TMEM273: variants seen among roughly 807,000 people sequenced by gnomAD.
TMEM273 encodes the protein chromosome 10 open reading frame 128.
In TMEM273, 19 loss-of-function variants were observed where a neutral mutation model predicts 17.9. That is an observed-to-expected ratio of 1.06 (90% CI 0.74 to 1.55). TMEM273 has a LOEUF of 1.55. Ranked by LOEUF, TMEM273 falls within the 40% of genes most tolerant of loss-of-function variation. The probability of loss-of-function intolerance (pLI) is 0.00; values close to 1 mark genes in which losing one functional copy is unlikely to be tolerated. For missense variants in TMEM273, 194 were observed against 155.6 expected (o/e 1.25, Z -1.31); for synonymous variants, 66 against 62.0 (o/e 1.07, Z -0.31).
At chr10:49,176,202 G>C (rs570693506) in intron 1 of TMEM273, among the ~76,000 whole-genome samples, 1 of 152,184 alleles carries the variant, frequency 6.6e-6, no homozygotes, top group Non-Finnish European at 1.5e-5. Flanking sequence ...AAGCAAACAC[G>C]CCACCACCTG....
chr10:49,173,011 C>T lies in TMEM273; in HGVS notation c.44-5049G>A, dbSNP rs115618461. On this transcript the variant is annotated intron_variant, in intron 1 of 6. Transcript: ENST00000374153. The stretch of plus-strand genomic sequence containing the variant: ...AAGATCCAATTCAGACCAGTGACAC[C>T]TAACTCAGAGCCTCAGGGGAAACTG... Among the ~76,000 whole-genome samples the T allele has an allele frequency of 3.3e-3, 496 of 152,326 alleles. 5 individuals are homozygous for T. Among genetic ancestry groups the T allele is most frequent in the African/African-American group, 0.012 (479 of 41,584 alleles).
chr10:49,166,931 A>T lies in TMEM273; in HGVS notation c.176T>A (p.Ile59Asn). The change falls in exon 3 of 7, where the codon ATC (isoleucine) becomes AAC (asparagine). Residue 59 changes from isoleucine to asparagine, a missense_variant. By Grantham distance (149) the Ile-to-Asn change is moderately radical. Transcript: ENST00000374153. ...AGFLALKICMIRRHLFDDDSS... is the reference protein window; with the variant it reads ...AGFLALKICMNRRHLFDDDSS... ...GTCGTCGTCAAATAAGTGCCTCCTG[A>T]TCATGCAGATCTTCAGGGCCAGGAA... The T allele has an allele frequency of 1.2e-6, 2 of 1,614,062 alleles. No homozygotes were observed. The highest frequency in any genetic ancestry group is 1.7e-6 in the Non-Finnish European group (2 of 1,180,002).
chr10:49,180,781 A>C (rs1293565529), intron 1 of TMEM273, among the ~76,000 whole-genome samples: 1 of 152,236 alleles, frequency 6.6e-6, no homozygotes, highest in African/African-American at 2.4e-5. Flanking sequence ...CTTCACAAAG[A>C]ATATCTGCAA....
intron 1 of TMEM273, 148 bp from the exon 2 acceptor site, chr10:49,168,110 C>T: frequency 1.1e-6 from 1 of 903,570 alleles, no homozygotes; most frequent in African/African-American, 1.7e-5. Context: ...GTCTTGGAGC[C>T]TTGCTGAGAC....
rs1846235210 is a variant in TMEM273 at position 49,166,996 on chromosome 10, G to C, written c.111C>G (p.Ala37=). ...CGACACCCACAGCAGTCCCGATGAG[G>C]GCGTACTTGAAATCTGAAACGCAGG... ...TPGAEIDFKY[A]LIGTAVGVAI... The change falls in exon 3 of 7, where the codon GCC becomes GCG. Residue 37 remains alanine (A), a synonymous_variant. Transcript: ENST00000374153. The C allele has an allele frequency of 2.5e-6, 4 of 1,614,058 alleles. No homozygotes were observed. Among genetic ancestry groups the C allele is most frequent in the Non-Finnish European group, 3.4e-6 (4 of 1,179,942 alleles).
chr10:49,155,211 C>T lies in TMEM273; in HGVS notation c.*681G>A, dbSNP rs1845442866. The T allele has an allele frequency of 6.6e-6, 1 of 152,580 alleles. No homozygotes were observed. Among genetic ancestry groups the T allele is most frequent in the Admixed American group, 6.5e-5 (1 of 15,314 alleles). 9.5% of individuals were successfully genotyped at this position (152,580 alleles called of 1,614,324 possible). The stretch of plus-strand genomic sequence containing the variant: ...ATTCATGGCCCTCTGCAAGGCACAG[C>T]ATCTGCTTTCTCATTTGGTCCTTCG... On this transcript the variant is annotated 3_prime_UTR_variant, in exon 7 of 7. Transcript: ENST00000374153.
Position 49,165,228 on chromosome 10 carries a change from A to G in TMEM273, c.325T>C (p.Cys109Arg). Residue 109 changes from cysteine (C) to arginine (R), a missense_variant, in exon 5 of 7, where the codon TGC becomes CGC. Coordinates refer to ENST00000374153, the MANE Select transcript of TMEM273 (RefSeq NM_001288740.3). ...ACCTTAAATAGGCCCTCCATGATGC[A>G]GTGGTGACACTGAAGCAGGGATTTG... ...SFKSLLQCHHCIMEGLFKAKP... is the reference protein window; with the variant it reads ...SFKSLLQCHHRIMEGLFKAKP... The G allele has an allele frequency of 6.4e-7, 1 of 1,550,532 alleles. No individual in the cohort carries two copies. Among genetic ancestry groups the G allele is most frequent in the Non-Finnish European group, 8.7e-7 (1 of 1,146,990 alleles).
chr10:49,158,259 G>A (rs1324865861), intron 6 of TMEM273, among the ~76,000 whole-genome samples: 1 of 151,060 alleles, frequency 6.6e-6, no homozygotes, highest in Non-Finnish European at 1.5e-5. Flanking sequence ...AACTTAATAT[G>A]TAAATATAAT....
At position 49,173,430 on chromosome 10, in the gene TMEM273, C is replaced by T. The variant is rs1471580320; in HGVS notation, c.44-5468G>A. The stretch of plus-strand genomic sequence containing the variant: ...GCTGGACTGGGATGTGCAAGCCATG[C>T]AACACACACGGCTCCTGGCCTCTGC... On this transcript the variant is annotated intron_variant, in intron 1 of 6. Transcript: ENST00000374153. 1.1e-4 allele frequency among the ~76,000 whole-genome samples: 16 copies of T among 152,200 alleles called. 1 individual carries two copies. Among genetic ancestry groups the T allele is most frequent in the Admixed American group, 1.0e-3 (16 of 15,286 alleles).
intron 6 of TMEM273, among the ~76,000 whole-genome samples, chr10:49,157,446 TA>T (rs1845580467): frequency 6.6e-6 from 1 of 152,214 alleles, no homozygotes; most frequent in Admixed American, 6.5e-5. Context: ...ATTTAGTGGC[TA>T]CTTAACCCAA....
At chr10:49,168,626 C>T (rs1846346898) in intron 1 of TMEM273, among the ~76,000 whole-genome samples, 4 of 144,916 alleles carry the variant, frequency 2.8e-5, no homozygotes, top group South Asian at 2.2e-4. Flanking sequence ...GTGCTTGGCC[C>T]ACAGGAGGCA....
chr10:49,164,233 G>T (rs899810010), intron 5 of TMEM273, among the ~76,000 whole-genome samples: 3 of 152,196 alleles, frequency 2.0e-5, no homozygotes, highest in African/African-American at 7.2e-5. Flanking sequence ...AAGGGCACCT[G>T]CTCAGAGAAA....
At chr10:49,157,736 T>C (rs372005679) in intron 6 of TMEM273, among the ~76,000 whole-genome samples, 6 of 152,236 alleles carry the variant, frequency 3.9e-5, no homozygotes, top group East Asian at 1.9e-4. Flanking sequence ...AGCATGTTAC[T>C]TGATGGACAC....
chr10:49,163,401 C>G (rs569701027), intron 5 of TMEM273, among the ~76,000 whole-genome samples: 3 of 152,210 alleles, frequency 2.0e-5, no homozygotes, highest in African/African-American at 7.2e-5. Flanking sequence ...CCAAAACCCC[C>G]TGAAGCTGGT....
intron 2 of TMEM273, among the ~76,000 whole-genome samples, chr10:49,167,701 G>T (rs982490418): frequency 1.6e-4 from 24 of 152,220 alleles, no homozygotes; most frequent in Non-Finnish European, 2.9e-5. Flanking sequence ...GAGGTATCAC[G>T]TCCCCTGTGT....
intron 1 of TMEM273, among the ~76,000 whole-genome samples, chr10:49,169,879 C>T (rs1846441183): frequency 6.6e-6 from 1 of 152,240 alleles, no homozygotes; most frequent in African/African-American, 2.4e-5. Context: ...TGGGACGGGA[C>T]CCTTTGCTGA....
At chr10:49,167,843 G>T in intron 2 of TMEM273, 66 bp downstream of exon 2, 1 of 1,591,844 alleles carries the variant, frequency 6.3e-7, no homozygotes, top group Non-Finnish European at 8.6e-7. Context: ...CCCTCTGCTT[G>T]CTTGTCTTGG....
intron 1 of TMEM273, among the ~76,000 whole-genome samples, chr10:49,174,391 G>C (rs1846802792): frequency 1.3e-5 from 2 of 152,228 alleles, no homozygotes; most frequent in African/African-American, 4.8e-5. Context: ...CAGGGGCATA[G>C]GTCATGGGCC....
chr10:49,160,776 G>A (rs578098435), intron 6 of TMEM273: 1 of 152,290 alleles, frequency 6.6e-6, no homozygotes, highest in African/African-American at 2.4e-5. Flanking sequence ...AAAGGCTTAT[G>A]TACACAGAGA....
Sources: gnomAD v4.1 joint callset for allele counts (sites outside exome capture counted in the v4.1 genomes callset) on GRCh38, gnomAD v4.1.1 for gene constraint, MANE v1.5 for transcripts, NCBI Gene and HGNC (gene_info 2026-07-23, HGNC 2026-07-21) for gene names.